Variants in CADM2 observed in about 807,000 individuals in gnomAD.
The protein encoded by CADM2 is immunoglobulin superfamily member 4D.
CADM2 carries 12 observed loss-of-function variants against 49.8 expected under a neutral mutation model. The ratio of observed to expected loss-of-function variants is 0.24; its 90% CI spans 0.15 to 0.39. The LOEUF is 0.39. Among genes scored for constraint, CADM2 ranks in the 10% least tolerant of loss-of-function variants. CADM2 has a pLI of 1.00. For synonymous variants in CADM2, 214 were observed against 175.4 expected (o/e 1.22, Z -1.74); for missense variants, 378 against 492.3 (o/e 0.77, Z 2.20).
intron 1 of CADM2, among the ~76,000 whole-genome samples, chr3:85,049,910 A>G (rs1167863010): frequency 6.6e-6 from 1 of 152,092 alleles, no homozygotes; most frequent in Admixed American, 6.6e-5. Flanking sequence ...AGGCTGCTAC[A>G]TTTAATAGAA....
intron 8 of CADM2, among the ~76,000 whole-genome samples, chr3:86,004,680 G>T (rs1235604063): frequency 6.6e-6 from 1 of 152,118 alleles, no homozygotes; most frequent in Non-Finnish European, 1.5e-5. Flanking sequence ...TATCCCTGCT[G>T]CTGGCTATTT....
intron 1 of CADM2, among the ~76,000 whole-genome samples, chr3:85,622,456 C>T (rs1343065717): frequency 6.6e-6 from 1 of 152,110 alleles, no homozygotes; most frequent in East Asian, 1.9e-4. Flanking sequence ...TGTTAATGAA[C>T]TTGTGATAAT....
intron 6 of CADM2, among the ~76,000 whole-genome samples, chr3:85,920,469 T>C (rs1159743390): frequency 6.6e-6 from 1 of 151,796 alleles, no homozygotes; most frequent in Non-Finnish European, 1.5e-5. Context: ...TATGCTAGAA[T>C]CATAAGGTGA....
chr3:85,746,751 A>T (rs1326637522), intron 2 of CADM2, among the ~76,000 whole-genome samples: 1 of 151,888 alleles, frequency 6.6e-6, no homozygotes, highest in Non-Finnish European at 1.5e-5. Flanking sequence ...TCTTCCCGTG[A>T]CTCAGGGGGT....
chr3:85,708,591 G>A (rs1363038060), intron 1 of CADM2, among the ~76,000 whole-genome samples: 1 of 152,122 alleles, frequency 6.6e-6, no homozygotes, highest in Non-Finnish European at 1.5e-5. Context: ...ATCACTGTAA[G>A]TCTTTAACAT....
intron 1 of CADM2, among the ~76,000 whole-genome samples, chr3:85,345,292 T>A (rs1161891444): frequency 9.9e-6 from 1 of 101,404 alleles, no homozygotes; most frequent in Non-Finnish European, 1.8e-5. Context: ...CCAGCCTGGG[T>A]GACAGAGTGA....
chr3:84,986,630 C>T (rs1469703777), intron 1 of CADM2, among the ~76,000 whole-genome samples: 3 of 151,682 alleles, frequency 2.0e-5, no homozygotes, highest in Non-Finnish European at 4.4e-5. Flanking sequence ...GGAGGGATAG[C>T]ATTAGGAGAT....
chr3:85,598,895 CATAT>C (rs1230033757), intron 1 of CADM2, among the ~76,000 whole-genome samples: 1 of 151,326 alleles, frequency 6.6e-6, no homozygotes, highest in Non-Finnish European at 1.5e-5. Flanking sequence ...CACACATAGA[CATAT>C]ATATCTTTTA....
At chr3:85,602,647 T>C (rs73141528) in intron 1 of CADM2, among the ~76,000 whole-genome samples, 30,145 of 151,682 alleles carry the variant, frequency 0.2, 3,774 homozygotes, top group East Asian at 0.3. Flanking sequence ...CTTATACCTG[T>C]ATTTGATTCT....
At chr3:85,656,639 C>A (rs2065208770) in intron 1 of CADM2, among the ~76,000 whole-genome samples, 1 of 151,868 alleles carries the variant, frequency 6.6e-6, no homozygotes. Context: ...ATGATAATAA[C>A]AATAATAAAT....
intron 1 of CADM2, among the ~76,000 whole-genome samples, chr3:85,539,171 A>T (rs985830453): frequency 1.3e-5 from 2 of 151,146 alleles, no homozygotes; most frequent in African/African-American, 4.8e-5. Flanking sequence ...GATTCTTCCA[A>T]GTCTTCTAGT....
chr3:85,089,760 CA>C (rs1298070313), intron 1 of CADM2, among the ~76,000 whole-genome samples: 2 of 152,046 alleles, frequency 1.3e-5, no homozygotes, highest in South Asian at 2.1e-4. Context: ...TTAATCCCCC[CA>C]AAAAAACACA....
Position 85,936,304 on chromosome 3 carries a change from A to G in CADM2, c.791+447A>G, listed in dbSNP as rs535470014. On this transcript the variant is annotated intron_variant, in intron 7 of 9. Transcript: ENST00000383699. Reference sequence around the variant, plus strand: ...ATCTATATTTCTTATGAAACACCCAATGAAACAAGTAATGGGTCACAAACT... The same window carrying G: ...ATCTATATTTCTTATGAAACACCCAGTGAAACAAGTAATGGGTCACAAACT... Among the ~76,000 whole-genome samples, 5 of 151,920 alleles carry G rather than the reference A, an allele frequency of 3.3e-5. No homozygotes were observed. In the East Asian group the frequency reaches 9.7e-4, roughly 29 times the overall value.
In CADM2 at chr3:85,769,467, TA is replaced by T. The variant is rs565890281; in HGVS notation, c.89-32579del. Among the ~76,000 whole-genome samples the T allele has an allele frequency of 5.7e-3, 350 of 61,928 alleles. 7 individuals are homozygous for T. Among genetic ancestry groups the T allele is most frequent in the East Asian group, 0.02 (25 of 1,248 alleles). The allele number at this position is 61,928 out of a possible 152,430, so 40.6% of individuals were successfully genotyped here. ...ACACGTATATACATATATACATATA[TA>T]GTATATATACACGTATATACATATA... On this transcript the variant is annotated intron_variant, in intron 2 of 9. Coordinates refer to ENST00000383699, the MANE Select transcript of CADM2 (RefSeq NM_001167675.2).
At chr3:85,592,609 T>C (rs1463786495) in intron 1 of CADM2, among the ~76,000 whole-genome samples, 1 of 151,912 alleles carries the variant, frequency 6.6e-6, no homozygotes, top group African/African-American at 2.4e-5. Context: ...AGAAAAAGCA[T>C]ATATATTGGT....
chr3:85,787,547 C>T (rs1325739179), intron 2 of CADM2, among the ~76,000 whole-genome samples: 1 of 152,080 alleles, frequency 6.6e-6, no homozygotes, highest in African/African-American at 2.4e-5. Context: ...CCACAGTTGG[C>T]TCCGTGAAAC....
chr3:85,460,820 T>C (rs1037539958), intron 1 of CADM2, among the ~76,000 whole-genome samples: 15 of 151,882 alleles, frequency 9.9e-5, no homozygotes, highest in Non-Finnish European at 1.8e-4. Flanking sequence ...AAGTGTCTAA[T>C]AGATAATTGC....
chr3:85,245,699 A>G (rs896432537), intron 1 of CADM2, among the ~76,000 whole-genome samples: 1 of 151,934 alleles, frequency 6.6e-6, no homozygotes, highest in African/African-American at 2.4e-5. Context: ...ACTCTTTCTT[A>G]TTTCTACCTT....
chr3:85,062,142 T>G (rs2036354626), intron 1 of CADM2, among the ~76,000 whole-genome samples: 1 of 151,662 alleles, frequency 6.6e-6, no homozygotes, highest in Non-Finnish European at 1.5e-5. Context: ...AACTCTTGCT[T>G]CCGGTACACA....
Sources: allele counts gnomAD v4.1 joint callset (sites outside exome capture counted in the v4.1 genomes callset), GRCh38; gene constraint gnomAD v4.1.1; transcripts MANE v1.5; gene names NCBI Gene and HGNC (gene_info 2026-07-23, HGNC 2026-07-21).